The following JRK variants were observed in gnomAD, a reference collection of about 807,000 sequenced individuals.
The protein encoded by JRK is Jrk helix-turn-helix protein.
For synonymous variants in JRK, 303 were observed against 218.1 expected, an observed-to-expected ratio of 1.39 and a Z score of -3.43; for missense variants, 720 against 509.2, an observed-to-expected ratio of 1.41 and a Z score of -3.98.
rs73714646 is a variant in JRK, at chr8:142,662,085, G to C, written c.*2267C>G. On this transcript the variant is annotated 3_prime_UTR_variant, in exon 2 of 2. Transcript: ENST00000612905. Reference sequence around the variant, plus strand: ...TCCAGCCACAAGGGCTGCACCTAGAGTCAGGCTCCAGGCCTTGCTGCAGTT... The same window carrying C: ...TCCAGCCACAAGGGCTGCACCTAGACTCAGGCTCCAGGCCTTGCTGCAGTT... 2,700 of 985,612 alleles carry C rather than the reference G, an allele frequency of 2.7e-3. 62 individuals carry two copies. In the African/African-American group the frequency reaches 0.044, roughly 16 times the overall value. The allele number at this position is 985,612 out of a possible 1,614,324, so 61.1% of individuals were successfully genotyped here.
At chr8:142,656,417 T>C (rs1288665198), downstream of JRK, among the ~76,000 whole-genome samples, 1 of 152,086 alleles carries the variant, frequency 6.6e-6, no homozygotes, top group African/African-American at 2.4e-5. Flanking sequence ...CTCTTTGTTG[T>C]TTTCCCTGAC....
Position 142,664,467 on chromosome 8 carries a change from C to T in JRK, c.1592G>A (p.Arg531Gln), listed in dbSNP as rs781888385. The T allele has an allele frequency of 2.2e-5, 35 of 1,611,272 alleles. No homozygotes were observed. The highest frequency in any genetic ancestry group is 2.8e-5 in the Non-Finnish European group (33 of 1,179,016). Residue 531 changes from arginine (R) to glutamine (Q), a missense_variant, in exon 2 of 2, where the codon CGG becomes CAG. Coordinates refer to ENST00000612905, the MANE Select transcript of JRK (RefSeq NM_003724.4). The stretch of plus-strand genomic sequence containing the variant: ...GACCACAGCCCCGAGGGCACCACGC[C>T]GCCTCCTCACCTGCTGCTGGCTCCG... Reference protein sequence around the residue: ...VFRSQQQVRRRRGALGAVVKV... With the variant: ...VFRSQQQVRRQRGALGAVVKV...
At position 142,659,079 on chromosome 8, in the gene JRK, T is replaced by C; in HGVS notation, c.*5273A>G. 7.1e-7 allele frequency: 1 copy of C among 1,412,974 alleles called. No individual in the cohort carries two copies. The allele number at this position is 1,412,974 out of a possible 1,614,324, so 87.5% of individuals were successfully genotyped here. On this transcript the variant is annotated 3_prime_UTR_variant, in exon 2 of 2. Coordinates refer to ENST00000612905, the MANE Select transcript of JRK (RefSeq NM_003724.4). ...CTAGTGTATTTTTTCTCTTCAGAAC[T>C]GACAGCCCATCAAGGTACAATGAAA...
chr8:142,663,224 C>A lies in JRK; in HGVS notation c.*1128G>T, dbSNP rs1222545363. ...GAGGCTAATCACTGTGGACACAGGG[C>A]GTTCTGGAATCTCAGCTGCAGGCAG... On this transcript the variant is annotated 3_prime_UTR_variant, in exon 2 of 2. Transcript: ENST00000612905. 1.0e-6 allele frequency: 1 copy of A among 985,290 alleles called. No homozygotes were observed. Among genetic ancestry groups the A allele is most frequent in the Non-Finnish European group, 1.2e-6 (1 of 829,934 alleles). 61.0% of individuals were successfully genotyped at this position (985,290 alleles called of 1,614,324 possible).
In JRK at chr8:142,666,142, C is replaced by CTTCTGGG; in HGVS notation, c.-91_-85dup. 6.5e-7 allele frequency: 1 copy of CTTCTGGG among 1,548,096 alleles called. No homozygotes were observed. The highest frequency in any genetic ancestry group is 1.2e-5 in the South Asian group (1 of 83,788). Reference sequence around the variant, plus strand: ...ACTACTTCCCTCTCCTCCTGCTCCCCTTCTGGGGCTCCGTCTCTCCCTCTC... The same window carrying CTTCTGGG: ...ACTACTTCCCTCTCCTCCTGCTCCCCTTCTGGGTTCTGGGGCTCCGTCTCTCCCTCTC... On this transcript the variant is annotated 5_prime_UTR_variant, in exon 2 of 2. Coordinates refer to ENST00000612905, the MANE Select transcript of JRK (RefSeq NM_003724.4).
At chr8:142,652,469 T>C (rs1306106045), downstream of JRK, among the ~76,000 whole-genome samples, 4 of 152,106 alleles carry the variant, frequency 2.6e-5, no homozygotes, top group African/African-American at 7.2e-5. Flanking sequence ...TTCCAGGTCA[T>C]AGGTAGATAA....
In JRK at chr8:142,659,206, C is replaced by T; in HGVS notation, c.*5146G>A. 1 of 1,196,098 alleles carries T rather than the reference C, an allele frequency of 8.4e-7. No individual in the cohort carries two copies. Among genetic ancestry groups the T allele is most frequent in the Non-Finnish European group, 1.0e-6 (1 of 958,072 alleles). 74.1% of individuals were successfully genotyped at this position (1,196,098 alleles called of 1,614,324 possible). On this transcript the variant is annotated 3_prime_UTR_variant, in exon 2 of 2. Transcript: ENST00000612905. ...AGAGGACAGGCCTTCCTTTCACACA[C>T]ATCAGAAATAGGGAACCCAAGACCT... is the stretch of plus-strand genomic sequence containing the variant.
downstream of JRK, among the ~76,000 whole-genome samples, chr8:142,657,287 G>A (rs1029954079): frequency 1.3e-5 from 2 of 152,318 alleles, no homozygotes; most frequent in East Asian, 3.9e-4. Context: ...CGAGGGACAG[G>A]AGCAGAAGTG....
At position 142,662,158 on chromosome 8, in the gene JRK, A is replaced by G. The variant is rs1475179716; in HGVS notation, c.*2194T>C. On this transcript the variant is annotated 3_prime_UTR_variant, in exon 2 of 2. Transcript: ENST00000612905. ...AGGACACAGCCACTCACTGGGGACA[A>G]GCGCCTACCCATCAGCCCAGCACAG... is the stretch of plus-strand genomic sequence containing the variant. The G allele has an allele frequency of 1.0e-6, 1 of 986,050 alleles. No individual in the cohort carries two copies. 61.1% of individuals were successfully genotyped at this position (986,050 alleles called of 1,614,324 possible). A position where few individuals can be genotyped will look rare whatever the true frequency, so the allele number is the denominator to read the frequency against.
At chr8:142,669,674 CCGCGCGCTCAGGCCGCGGGGGT>C (rs1359192545) in intron 1 of JRK, among the ~76,000 whole-genome samples, 1 of 151,678 alleles carries the variant, frequency 6.6e-6, no homozygotes, top group African/African-American at 2.4e-5. Flanking sequence ...GGCTCGGGGG[CCGCGCGCTCAGGCCGCGGGGGT>C]CGCGCGGGAA....
rs1011191216 is a variant in JRK, at chr8:142,662,388, T to A, written c.*1964A>T. ...ACATGTTCTAACCTCCTGTGTTGCC[T>A]CAAGCAGCTGCAATCCAGCAGTCTT... is the stretch of plus-strand genomic sequence containing the variant. On this transcript the variant is annotated 3_prime_UTR_variant, in exon 2 of 2. Transcript: ENST00000612905. 4 of 985,298 alleles carry A rather than the reference T, an allele frequency of 4.1e-6. No individual in the cohort carries two copies. The highest frequency in any genetic ancestry group is 1.2e-4 in the Admixed American group (2 of 16,266). The allele number at this position is 985,298 out of a possible 1,614,324, so 61.0% of individuals were successfully genotyped here. A position where few individuals can be genotyped will look rare whatever the true frequency, so the allele number is the denominator to read the frequency against.
At chr8:142,645,969 A>C in the JRK span, among the ~76,000 whole-genome samples, 6 of 150,272 alleles carry the variant, frequency 4.0e-5, no homozygotes, top group Non-Finnish European at 5.9e-5. Flanking sequence ...GAATGAGACA[A>C]AAATTGCTCA....
the JRK span, among the ~76,000 whole-genome samples, chr8:142,649,133 G>A: frequency 3.7e-4 from 56 of 152,356 alleles, 1 homozygote; most frequent in East Asian, 0.01. Context: ...TGATTTTACA[G>A]GCTCGTAGGT....
chr8:142,650,671 T>TCC, the JRK span, among the ~76,000 whole-genome samples: 1 of 152,194 alleles, frequency 6.6e-6, no homozygotes, highest in Non-Finnish European at 1.5e-5. Flanking sequence ...TCATGAGGGC[T>TCC]CCCCAGCGAT....
chr8:142,659,422 G>A lies in JRK; in HGVS notation c.*4930C>T, dbSNP rs587612143. On this transcript the variant is annotated 3_prime_UTR_variant, in exon 2 of 2. Transcript: ENST00000612905. ...TGGGACGGGGCTACCTGCAGACATA[G>A]AGGGCCTTTGAGCACCTCGTAGCTT... 2.9e-5 allele frequency: 29 copies of A among 986,768 alleles called. No individual in the cohort carries two copies. The South Asian group carries it at 1.1e-3, about 38-fold the overall frequency. The allele number at this position is 986,768 out of a possible 1,614,324, so 61.1% of individuals were successfully genotyped here.
At position 142,661,864 on chromosome 8, in the gene JRK, C is replaced by T. The variant is rs370481151; in HGVS notation, c.*2488G>A. 206 of 985,498 alleles carry T rather than the reference C, an allele frequency of 2.1e-4. 2 individuals are homozygous for T. The African/African-American group carries it at 3.1e-3, about 15-fold the overall frequency. The allele number at this position is 985,498 out of a possible 1,614,324, so 61.0% of individuals were successfully genotyped here. On this transcript the variant is annotated 3_prime_UTR_variant, in exon 2 of 2. Transcript: ENST00000612905. ...GGTCAGGAAGTGAAAACAAAGTGCT[C>T]GGAGGACACGGCAGTCTCCATAAAG...
the JRK span, among the ~76,000 whole-genome samples, chr8:142,647,023 G>T: frequency 6.6e-6 from 1 of 152,092 alleles, no homozygotes; most frequent in Non-Finnish European, 1.5e-5. Context: ...TACATCTCAA[G>T]GTATAGGCAG....
chr8:142,669,343 G>A (rs970364263), intron 1 of JRK, among the ~76,000 whole-genome samples: 1 of 152,124 alleles, frequency 6.6e-6, no homozygotes, highest in African/African-American at 2.4e-5. Context: ...GCCTGGGGCC[G>A]TGCGCCCCGC....
chr8:142,663,063 G>T lies in JRK; in HGVS notation c.*1289C>A. 1 of 755,486 alleles carries T rather than the reference G, an allele frequency of 1.3e-6. No homozygotes were observed. Among genetic ancestry groups the T allele is most frequent in the Non-Finnish European group, 1.6e-6 (1 of 620,154 alleles). 46.8% of individuals were successfully genotyped at this position (755,486 alleles called of 1,614,324 possible). ...AGCTACTCAGGAGGCTGGGGCGGGA[G>T]GATCACTCAAGCCAGGGAGGTCGAG... is the stretch of plus-strand genomic sequence containing the variant. On this transcript the variant is annotated 3_prime_UTR_variant, in exon 2 of 2. Transcript: ENST00000612905.
Sources: gnomAD v4.1 joint callset for allele counts (sites outside exome capture counted in the v4.1 genomes callset) on GRCh38, gnomAD v4.1.1 for gene constraint, MANE v1.5 for transcripts, NCBI Gene and HGNC (gene_info 2026-07-23, HGNC 2026-07-21) for gene names.